CDH12: variants seen among roughly 807,000 people sequenced by gnomAD.
CDH12 encodes the protein cadherin 12.
A neutral mutation model predicts 74.1 loss-of-function variants in CDH12; 41 were observed. The observed-to-expected ratio is 0.55, with a 90% CI of 0.43 to 0.72. CDH12 has a LOEUF of 0.72. CDH12 is among the 30% of genes least tolerant of loss of function. The probability of loss-of-function intolerance (pLI) is 0.00; values close to 1 mark genes in which losing one functional copy is unlikely to be tolerated. For missense variants in CDH12, 945 were observed against 977.2 expected (o/e 0.97, Z 0.44); for synonymous variants, 399 against 355.0 (o/e 1.12, Z -1.39).
chr5:22,469,036 C>G (rs558868228), intron 2 of CDH12, among the ~76,000 whole-genome samples: 87 of 152,252 alleles, frequency 5.7e-4, no homozygotes, highest in Middle Eastern at 6.8e-3. Flanking sequence ...AATAAATGTT[C>G]TAATTCTTGG....
intron 5 of CDH12, among the ~76,000 whole-genome samples, chr5:22,004,924 A>T (rs896971007): frequency 6.6e-6 from 1 of 152,006 alleles, no homozygotes; most frequent in South Asian, 2.1e-4. Context: ...CAGTTATTTC[A>T]CCCAAGATAA....
intron 1 of CDH12, among the ~76,000 whole-genome samples, chr5:22,516,101 T>C (rs746260950): frequency 3.3e-5 from 5 of 152,294 alleles, no homozygotes; most frequent in Admixed American, 1.3e-4. Flanking sequence ...CAATGCACTA[T>C]GTCGTAAAAC....
chr5:22,045,460 A>C (rs768712207), intron 5 of CDH12, among the ~76,000 whole-genome samples: 11 of 152,182 alleles, frequency 7.2e-5, no homozygotes, highest in Admixed American at 3.3e-4. Context: ...AAAGGAAATC[A>C]GTATGTTGAA....
chr5:22,449,994 C>T (rs776417768), intron 2 of CDH12, among the ~76,000 whole-genome samples: 2 of 151,912 alleles, frequency 1.3e-5, no homozygotes, highest in African/African-American at 2.4e-5. Flanking sequence ...GATTATAAAA[C>T]AATAAAATTA....
chr5:22,455,226 A>G (rs540317322), intron 2 of CDH12, among the ~76,000 whole-genome samples: 1 of 152,304 alleles, frequency 6.6e-6, no homozygotes, highest in East Asian at 1.9e-4. Context: ...CTGAAATTTG[A>G]AGGAGGCTTT....
chr5:22,117,455 A>AT (rs2150269051), intron 4 of CDH12, among the ~76,000 whole-genome samples: 1 of 81,158 alleles, frequency 1.2e-5, no homozygotes, highest in African/African-American at 5.2e-5. Context: ...TATAATATAT[A>AT]TATTATATAT....
chr5:22,342,199 C>T lies in CDH12; in HGVS notation c.-333+63058G>A, dbSNP rs185194721. Among the ~76,000 whole-genome samples, 13 of 152,188 alleles carry T rather than the reference C, an allele frequency of 8.5e-5. 1 individual carries two copies. The South Asian group carries it at 1.7e-3, about 19-fold the overall frequency. On this transcript the variant is annotated intron_variant, in intron 3 of 14. Transcript: ENST00000382254. ...CAATATCTCCCAAAGGTCCCACTTC[C>T]GAATACCATCACACTGGGGATAAGG...
intron 1 of CDH12, among the ~76,000 whole-genome samples, chr5:22,723,153 C>A (rs533076089): frequency 6.6e-6 from 1 of 152,238 alleles, no homozygotes; most frequent in African/African-American, 2.4e-5. Flanking sequence ...TAGTCCTTTT[C>A]TTCTTACAAA....
intron 6 of CDH12, among the ~76,000 whole-genome samples, chr5:21,965,653 A>C (rs967469953): frequency 6.6e-6 from 1 of 151,774 alleles, no homozygotes; most frequent in Non-Finnish European, 1.5e-5. Flanking sequence ...AAATAGTGCC[A>C]ACCTGTGATA....
At chr5:22,152,496 TTAA>T in intron 4 of CDH12, 1 of 152,144 alleles carries the variant, frequency 6.6e-6, no homozygotes, top group South Asian at 2.1e-4. Context: ...TGTTCAATTG[TTAA>T]AAATTGGCAG....
intron 6 of CDH12, among the ~76,000 whole-genome samples, chr5:21,880,848 G>T (rs1260618333): frequency 6.6e-6 from 1 of 151,626 alleles, no homozygotes; most frequent in African/African-American, 2.4e-5. Context: ...ATGGAGTCAG[G>T]GTTTATCAAT....
At chr5:22,785,588 C>G (rs1362167293) in intron 1 of CDH12, among the ~76,000 whole-genome samples, 1 of 152,112 alleles carries the variant, frequency 6.6e-6, no homozygotes. Context: ...GGTGCAATCA[C>G]AGCTCATTGC....
At chr5:21,770,986 C>T (rs1217439242) in intron 11 of CDH12, among the ~76,000 whole-genome samples, 2 of 152,080 alleles carry the variant, frequency 1.3e-5, no homozygotes, top group Non-Finnish European at 2.9e-5. Flanking sequence ...CACATGTTCT[C>T]AATTGTAAGT....
Position 22,808,098 on chromosome 5 carries a change from C to T in CDH12, c.-523+44960G>A, listed in dbSNP as rs1283727185. 3.9e-5 allele frequency among the ~76,000 whole-genome samples: 6 copies of T among 152,284 alleles called. No homozygotes were observed. The South Asian group carries it at 8.3e-4, about 21-fold the overall frequency. On this transcript the variant is annotated intron_variant, in intron 1 of 14. Coordinates refer to ENST00000382254, the MANE Select transcript of CDH12 (RefSeq NM_004061.5). ...GTTATGCCATGCATGACTGCATTTACATGAAATGATTTTCAAAGAACTGAT... is the reference window on the plus strand; with the variant it reads ...GTTATGCCATGCATGACTGCATTTATATGAAATGATTTTCAAAGAACTGAT...
At chr5:22,012,779 G>C (rs1211378963) in intron 5 of CDH12, among the ~76,000 whole-genome samples, 1 of 141,906 alleles carries the variant, frequency 7.0e-6, no homozygotes, top group Admixed American at 7.4e-5. Flanking sequence ...TCTCAAACTG[G>C]GTTTCCTCTT....
At chr5:21,918,069 T>C (rs1754180933) in intron 6 of CDH12, among the ~76,000 whole-genome samples, 1 of 152,194 alleles carries the variant, frequency 6.6e-6, no homozygotes, top group African/African-American at 2.4e-5. Context: ...ATCTTTAAGA[T>C]ACATTTTTCT....
intron 2 of CDH12, among the ~76,000 whole-genome samples, chr5:22,441,184 A>G (rs985863367): frequency 6.6e-6 from 1 of 152,176 alleles, no homozygotes; most frequent in Non-Finnish European, 1.5e-5. Context: ...ATCTACATGT[A>G]TATTTGTGAA....
At chr5:22,300,250 G>A (rs996850186) in intron 3 of CDH12, among the ~76,000 whole-genome samples, 7 of 152,110 alleles carry the variant, frequency 4.6e-5, no homozygotes, top group African/African-American at 9.7e-5. Context: ...TATGCACTTC[G>A]GCTTTGTAAA....
Position 22,817,524 on chromosome 5 carries a change from T to C in CDH12, c.-523+35534A>G, listed in dbSNP as rs1287295569. Reference sequence around the variant, plus strand: ...TAATGTAGTTTGTTGTATATAATTGTGTATTTATAACTGATAATTATAGTT... The same window carrying C: ...TAATGTAGTTTGTTGTATATAATTGCGTATTTATAACTGATAATTATAGTT... On this transcript the variant is annotated intron_variant, in intron 1 of 14. Transcript: ENST00000382254. 1.3e-5 allele frequency among the ~76,000 whole-genome samples: 2 copies of C among 152,122 alleles called. 1 individual carries two copies. Among genetic ancestry groups the C allele is most frequent in the Non-Finnish European group, 2.9e-5 (2 of 67,998 alleles).
Sources: allele counts gnomAD v4.1 joint callset (sites outside exome capture counted in the v4.1 genomes callset), GRCh38; gene constraint gnomAD v4.1.1; transcripts MANE v1.5; gene names NCBI Gene and HGNC (gene_info 2026-07-23, HGNC 2026-07-21).